ELOVL6: variants seen among roughly 807,000 people sequenced by gnomAD.
ELOVL6 encodes the protein ELOVL fatty acid elongase 6.
Under a neutral mutation model 31.7 loss-of-function variants are expected in ELOVL6, and 8 were observed. That is an observed-to-expected ratio of 0.25 (90% CI 0.15 to 0.45). ELOVL6 has a LOEUF of 0.45. ELOVL6 is among the 20% of genes least tolerant of loss of function. The pLI is 1.00. For synonymous variants in ELOVL6, 101 were observed against 117.7 expected, an observed-to-expected ratio of 0.86 and a Z score of 0.92; for missense variants, 126 against 326.4, an observed-to-expected ratio of 0.39 and a Z score of 4.73.
At chr4:110,065,238 C>T (rs1336131413) in intron 2 of ELOVL6, among the ~76,000 whole-genome samples, 5 of 152,094 alleles carry the variant, frequency 3.3e-5, no homozygotes, top group Non-Finnish European at 5.9e-5. Flanking sequence ...AAAGCAAGTT[C>T]TTGTTTTCAG....
chr4:110,127,406 C>A (rs1328988456), intron 1 of ELOVL6, among the ~76,000 whole-genome samples: 382 of 85,254 alleles, frequency 4.5e-3, no homozygotes, highest in Non-Finnish European at 4.8e-3. Context: ...GATTCCGTCT[C>A]AAAAAAAAAA....
chr4:110,119,921 A>G (rs72900510), intron 1 of ELOVL6, among the ~76,000 whole-genome samples: 5,342 of 152,280 alleles, frequency 0.035, 300 homozygotes, highest in African/African-American at 0.12. Context: ...GCATGTGACT[A>G]TGGTATGGCT....
At chr4:110,188,730 T>C (rs531617381) in intron 1 of ELOVL6, among the ~76,000 whole-genome samples, 1 of 150,350 alleles carries the variant, frequency 6.7e-6, no homozygotes, top group Non-Finnish European at 1.5e-5. Context: ...CTCTACTAAA[T>C]ATACAAAAAA....
At chr4:110,164,900 A>G (rs1420357581) in intron 1 of ELOVL6, among the ~76,000 whole-genome samples, 1 of 152,018 alleles carries the variant, frequency 6.6e-6, no homozygotes, top group Non-Finnish European at 1.5e-5. Context: ...GTGCAGTAGC[A>G]CAATCACAGC....
At chr4:110,092,698 T>C (rs1200460990) in intron 2 of ELOVL6, among the ~76,000 whole-genome samples, 2 of 152,222 alleles carry the variant, frequency 1.3e-5, no homozygotes, top group African/African-American at 4.8e-5. Context: ...GTCAGCATCA[T>C]TTGAAGCATT....
chr4:110,096,941 C>A (rs544122555), intron 2 of ELOVL6, among the ~76,000 whole-genome samples: 1 of 152,170 alleles, frequency 6.6e-6, no homozygotes, highest in South Asian at 2.1e-4. Context: ...AGGATAATAA[C>A]AAAACTGAAC....
At chr4:110,085,149 G>T (rs887485843) in intron 2 of ELOVL6, among the ~76,000 whole-genome samples, 1 of 152,188 alleles carries the variant, frequency 6.6e-6, no homozygotes, top group African/African-American at 2.4e-5. Flanking sequence ...AAAGCAAGAG[G>T]TTAGGCAATG....
chr4:110,166,185 T>C (rs1758767778), intron 1 of ELOVL6, among the ~76,000 whole-genome samples: 1 of 152,214 alleles, frequency 6.6e-6, no homozygotes, highest in African/African-American at 2.4e-5. Flanking sequence ...TGGACTGCAG[T>C]GTTCTTTGAC....
intron 1 of ELOVL6, among the ~76,000 whole-genome samples, chr4:110,188,801 G>A (rs1759521450): frequency 6.7e-6 from 1 of 148,578 alleles, no homozygotes; most frequent in Non-Finnish European, 1.5e-5. Flanking sequence ...CTGAGGCGGA[G>A]AGTTGCTTGA....
At chr4:110,094,590 G>C (rs1450621975) in intron 2 of ELOVL6, among the ~76,000 whole-genome samples, 6 of 150,582 alleles carry the variant, frequency 4.0e-5, no homozygotes, top group Non-Finnish European at 8.9e-5. Context: ...TGAGGCAGAG[G>C]CCTTGTGACC....
chr4:110,084,401 G>GATATATCACATATATC lies in ELOVL6; in HGVS notation c.221+21095_221+21096insGATATATGTGATATAT, dbSNP rs1306585444. On this transcript the variant is annotated intron_variant, in intron 2 of 3. Transcript: ENST00000302274. ...GATATATATCGCATATATGATATAT[G>GATATATCACATATATC]ATATATGACATACATGATATATCAC... Among the ~76,000 whole-genome samples, 130 of 17,496 alleles carry GATATATCACATATATC rather than the reference G, an allele frequency of 7.4e-3. 21 individuals are homozygous for GATATATCACATATATC. Among genetic ancestry groups the GATATATCACATATATC allele is most frequent in the Non-Finnish European group, 0.014 (89 of 6,246 alleles). 11.5% of individuals were successfully genotyped at this position (17,496 alleles called of 152,430 possible).
chr4:110,156,894 A>T (rs913693431), intron 1 of ELOVL6, among the ~76,000 whole-genome samples: 5 of 152,226 alleles, frequency 3.3e-5, no homozygotes, highest in African/African-American at 1.2e-4. Flanking sequence ...ATTAGTCCTC[A>T]AAGAAATCTT....
rs74402836 is a variant in ELOVL6 at position 110,091,083 on chromosome 4, C to T, written c.221+14414G>A. On this transcript the variant is annotated intron_variant, in intron 2 of 3. Transcript: ENST00000302274. ...ACAGACATAGCCAACTTAATAAATA[C>T]ATGAGGCAGAAGATGTTTGTTTGCT... is the stretch of plus-strand genomic sequence containing the variant. Among the ~76,000 whole-genome samples, 485 of 152,298 alleles carry T rather than the reference C, an allele frequency of 3.2e-3. 2 individuals carry two copies. Among genetic ancestry groups the T allele is most frequent in the African/African-American group, 0.011 (473 of 41,562 alleles).
intron 1 of ELOVL6, among the ~76,000 whole-genome samples, chr4:110,114,169 T>C (rs1469271337): frequency 6.6e-6 from 1 of 152,190 alleles, no homozygotes; most frequent in African/African-American, 2.4e-5. Flanking sequence ...ATAAGAGTAG[T>C]TGAGTGACTC....
intron 3 of ELOVL6, 55 bp downstream of exon 3, chr4:110,059,548 T>A: frequency 6.5e-7 from 1 of 1,538,054 alleles, no homozygotes; most frequent in Non-Finnish European, 8.8e-7. Context: ...ACTAAATAAA[T>A]ACTGTGGATA....
chr4:110,130,578 A>T (rs562969146), intron 1 of ELOVL6, among the ~76,000 whole-genome samples: 1 of 152,346 alleles, frequency 6.6e-6, no homozygotes. Flanking sequence ...AGGAAAAGTA[A>T]CTCCCAGAAA....
intron 2 of ELOVL6, among the ~76,000 whole-genome samples, chr4:110,098,025 G>T (rs1039047513): frequency 2.0e-5 from 3 of 150,946 alleles, no homozygotes; most frequent in African/African-American, 7.4e-5. Context: ...ACAAAAACAG[G>T]TTTTGATAAA....
chr4:110,121,183 C>A (rs980546086), intron 1 of ELOVL6, among the ~76,000 whole-genome samples: 3 of 152,144 alleles, frequency 2.0e-5, no homozygotes, highest in African/African-American at 7.2e-5. Context: ...AAGTCAAGAA[C>A]TATCTTCAAA....
chr4:110,126,883 T>C (rs1191729109), intron 1 of ELOVL6, among the ~76,000 whole-genome samples: 2 of 152,168 alleles, frequency 1.3e-5, no homozygotes, highest in Admixed American at 1.3e-4. Context: ...ACTCTTTGAT[T>C]TCCTATCTCA....
Sources: allele counts gnomAD v4.1 joint callset (sites outside exome capture counted in the v4.1 genomes callset), GRCh38; gene constraint gnomAD v4.1.1; transcripts MANE v1.5; gene names NCBI Gene and HGNC (gene_info 2026-07-23, HGNC 2026-07-21).